FA2H: variants seen among roughly 807,000 people sequenced by gnomAD.
FA2H encodes fatty acid alpha-hydroxylase.
FA2H carries 22 observed loss-of-function variants against 44.9 expected under a neutral mutation model. The ratio of observed to expected loss-of-function variants is 0.49; its 90% CI spans 0.35 to 0.70. FA2H has a LOEUF of 0.70. FA2H is among the 30% of genes least tolerant of loss of function. The probability of loss-of-function intolerance (pLI) is 0.01; values close to 1 mark genes in which losing one functional copy is unlikely to be tolerated. For missense variants in FA2H, 501 were observed against 504.9 expected, an observed-to-expected ratio of 0.99 and a Z score of 0.07; for synonymous variants, 243 against 213.2, an observed-to-expected ratio of 1.14 and a Z score of -1.22.
intron 1 of FA2H, among the ~76,000 whole-genome samples, chr16:74,742,427 A>G (rs1393291841): frequency 6.6e-6 from 1 of 152,134 alleles, no homozygotes; most frequent in Non-Finnish European, 1.5e-5. Context: ...AACTCCAACA[A>G]CCTAGATCAT....
At chr16:74,765,218 G>A (rs1047787856) in intron 1 of FA2H, among the ~76,000 whole-genome samples, 4 of 150,922 alleles carry the variant, frequency 2.7e-5, no homozygotes, top group African/African-American at 4.9e-5. Flanking sequence ...GTGCAATGGC[G>A]CGATCTTGGC....
chr16:74,774,085 C>T (rs1380964629), intron 1 of FA2H, among the ~76,000 whole-genome samples: 2 of 151,764 alleles, frequency 1.3e-5, no homozygotes, highest in African/African-American at 4.8e-5. Context: ...CAAACAGAAA[C>T]GGAGAGTGGT....
intron 1 of FA2H, 40 bp downstream of exon 1, chr16:74,774,446 G>T: frequency 6.8e-7 from 1 of 1,476,326 alleles, no homozygotes; most frequent in East Asian, 2.6e-5. Context: ...AAGGCTGACG[G>T]AGGCCTGGGT....
intron 4 of FA2H, among the ~76,000 whole-genome samples, chr16:74,721,160 C>T (rs770672018): frequency 1.3e-5 from 2 of 151,954 alleles, no homozygotes; most frequent in Non-Finnish European, 1.5e-5. Flanking sequence ...CAAAGCTAGC[C>T]ATTCTCTCTC....
At chr16:74,742,478 C>T (rs1429526685) in intron 1 of FA2H, among the ~76,000 whole-genome samples, 1 of 152,174 alleles carries the variant, frequency 6.6e-6, no homozygotes, top group Non-Finnish European at 1.5e-5. Context: ...AGGACAGGCA[C>T]GAGCAGAATG....
At chr16:74,749,816 C>T (rs762664658) in intron 1 of FA2H, among the ~76,000 whole-genome samples, 2 of 152,156 alleles carry the variant, frequency 1.3e-5, no homozygotes, top group Non-Finnish European at 2.9e-5. Context: ...AGCCTCTAAC[C>T]TCGGATTAGG....
At position 74,759,479 on chromosome 16, in the gene FA2H, C is replaced by A. The variant is rs529277978; in HGVS notation, c.270+15007G>T. On this transcript the variant is annotated intron_variant, in intron 1 of 6. Transcript: ENST00000219368. ...GAGTGGTGGAGGAAGTAAGAGTTTCCCACTCCTTTTTCCATTCTTCCCACT... is the reference window on the plus strand; with the variant it reads ...GAGTGGTGGAGGAAGTAAGAGTTTCACACTCCTTTTTCCATTCTTCCCACT... Among the ~76,000 whole-genome samples the A allele has an allele frequency of 6.6e-5, 10 of 152,296 alleles. No homozygotes were observed. In the South Asian group the frequency reaches 1.9e-3, roughly 28 times the overall value.
rs775608310 is a variant in FA2H at position 74,727,270 on chromosome 16, G to A, written c.480C>T (p.Leu160=). 4 of 1,614,132 alleles carry A rather than the reference G, an allele frequency of 2.5e-6. No homozygotes were observed. In the East Asian group the frequency reaches 8.9e-5, roughly 36 times the overall value. Residue 160 remains leucine, a synonymous_variant, in exon 3 of 7, where the codon CTC becomes CTT. Transcript: ENST00000219368. ...AGACAGTCTTAGAGAGGCCCTCAAT[G>A]AGGTCTGAGTGGAAGAGGCGGATGG... The part of the protein sequence containing the change: ...TRPIRLFHSD[L]IEGLSKTVWY...
chr16:74,752,883 T>C (rs759979552), intron 1 of FA2H, among the ~76,000 whole-genome samples: 1 of 152,060 alleles, frequency 6.6e-6, no homozygotes, highest in Non-Finnish European at 1.5e-5. Flanking sequence ...CCATCGCAGA[T>C]CTCCCTGGCC....
At chr16:74,748,834 C>T (rs923258123) in intron 1 of FA2H, among the ~76,000 whole-genome samples, 1 of 152,222 alleles carries the variant, frequency 6.6e-6, no homozygotes, top group Non-Finnish European at 1.5e-5. Context: ...GGCTGGGCAC[C>T]GCGGGACGGA....
rs1310159362 is a variant in FA2H at position 74,774,644 on chromosome 16, T to C, written c.112A>G (p.Ser38Gly). ...CCCCCCGGGTGGTGCCGCACGAAGC[T>C]GGAGAGGTCGTAGAGGCGGGCCCCG... ...RRGARLYDLS[S>G]FVRHHPGGEQ... The change falls in exon 1 of 7, where the codon AGC becomes GGC. Residue 38 changes from serine to glycine, a missense_variant. Physicochemically the swap from Ser to Gly is moderately conservative, Grantham distance 56. Coordinates refer to ENST00000219368, the MANE Select transcript of FA2H (RefSeq NM_024306.5). 2 of 1,487,536 alleles carry C rather than the reference T, an allele frequency of 1.3e-6. No homozygotes were observed. Among genetic ancestry groups the C allele is most frequent in the East Asian group, 2.9e-5 (1 of 34,960 alleles). The allele number at this position is 1,487,536 out of a possible 1,614,324, so 92.1% of individuals were successfully genotyped here.
intron 5 of FA2H, among the ~76,000 whole-genome samples, chr16:74,717,551 C>T (rs1191390311): frequency 6.6e-6 from 1 of 152,200 alleles, no homozygotes; most frequent in Non-Finnish European, 1.5e-5. Flanking sequence ...GTCACTGGAA[C>T]AGAAACAGGA....
chr16:74,774,356 G>C (rs557771842), intron 1 of FA2H, 130 bp downstream of exon 1: 1 of 847,892 alleles, frequency 1.2e-6, no homozygotes, highest in East Asian at 3.3e-5. Flanking sequence ...AGAAGAGAGG[G>C]AAAGCGAGGG....
rs1388841075 is a variant in FA2H, at chr16:74,725,183, G to A, written c.613+1042C>T. 4.6e-5 allele frequency among the ~76,000 whole-genome samples: 7 copies of A among 152,304 alleles called. 1 individual carries two copies. The highest frequency in any genetic ancestry group is 2.0e-4 in the Admixed American group (3 of 15,296). ...GATTTGGGGGAACTTCCTGCAGCTCGCTCACCAGACTCATCCTGGGTCAGG... is the reference window on the plus strand; with the variant it reads ...GATTTGGGGGAACTTCCTGCAGCTCACTCACCAGACTCATCCTGGGTCAGG... On this transcript the variant is annotated intron_variant, in intron 4 of 6. Coordinates refer to ENST00000219368, the MANE Select transcript of FA2H (RefSeq NM_024306.5).
At chr16:74,743,892 C>T (rs1055025216) in intron 1 of FA2H, among the ~76,000 whole-genome samples, 6 of 152,328 alleles carry the variant, frequency 3.9e-5, no homozygotes, top group East Asian at 1.9e-4. Flanking sequence ...GCCAGCGTCA[C>T]GCGGTGTCAG....
rs527719759 is a variant in FA2H at position 74,718,606 on chromosome 16, C to T, written c.786+382G>A. Among the ~76,000 whole-genome samples the T allele has an allele frequency of 6.8e-4, 103 of 152,330 alleles. 1 individual carries two copies. The highest frequency in any genetic ancestry group is 6.8e-3 in the Middle Eastern group (2 of 294). On this transcript the variant is annotated intron_variant, in intron 5 of 6. Transcript: ENST00000219368. ...ACGGGGAGAACCATGGGGCTGTTTTCAGCACAAGCTCCAGGAGCGCAAGGC... is the reference window on the plus strand; with the variant it reads ...ACGGGGAGAACCATGGGGCTGTTTTTAGCACAAGCTCCAGGAGCGCAAGGC...
intron 1 of FA2H, among the ~76,000 whole-genome samples, chr16:74,768,643 G>A (rs1597574279): frequency 6.6e-6 from 1 of 152,262 alleles, no homozygotes; most frequent in East Asian, 1.9e-4. Context: ...TTTCCAAGAT[G>A]GGCTGAGCTC....
intron 5 of FA2H, among the ~76,000 whole-genome samples, chr16:74,717,257 A>G (rs1597539055): frequency 6.6e-6 from 1 of 152,108 alleles, no homozygotes; most frequent in African/African-American, 2.4e-5. Context: ...CTTGGTGAGG[A>G]GTCTGAGAAG....
intron 5 of FA2H, among the ~76,000 whole-genome samples, chr16:74,717,775 G>A (rs1961739581): frequency 6.6e-6 from 1 of 152,232 alleles, no homozygotes; most frequent in Admixed American, 6.5e-5. Flanking sequence ...GAGGGAGCCT[G>A]AGACAGCCCC....
Sources: gnomAD v4.1 joint callset for allele counts (sites outside exome capture counted in the v4.1 genomes callset) on GRCh38, gnomAD v4.1.1 for gene constraint, MANE v1.5 for transcripts, NCBI Gene and HGNC (gene_info 2026-07-23, HGNC 2026-07-21) for gene names.